The following PTPRD variants were observed in gnomAD, a reference collection of about 807,000 sequenced individuals.
PTPRD encodes the protein receptor-type tyrosine-protein phosphatase delta.
PTPRD carries 34 observed loss-of-function variants against 214.5 expected under a neutral mutation model. That is an observed-to-expected ratio of 0.16 (90% CI 0.12 to 0.21). The LOEUF (loss-of-function observed/expected upper bound fraction) is 0.21, where lower values mean the gene tolerates loss of function less well. PTPRD is among the 10% of genes least tolerant of loss of function. The pLI is 1.00. For missense variants in PTPRD, 2,545 were observed against 2,398.7 expected (o/e 1.06, Z -1.27); for synonymous variants, 1,128 against 845.7 (o/e 1.33, Z -5.79).
intron 2 of PTPRD, among the ~76,000 whole-genome samples, chr9:10,584,706 G>C (rs188838893): frequency 6.6e-6 from 1 of 152,030 alleles, no homozygotes; most frequent in Non-Finnish European, 1.5e-5. Context: ...GAAATAAGTC[G>C]CTGAGACAAA....
At chr9:10,522,625 C>G (rs2052725623) in intron 2 of PTPRD, among the ~76,000 whole-genome samples, 1 of 151,998 alleles carries the variant, frequency 6.6e-6, no homozygotes, top group African/African-American at 2.4e-5. Context: ...TCTGAAAGCA[C>G]CAACTGTGAC....
At chr9:9,956,579 C>G (rs548324269) in intron 4 of PTPRD, among the ~76,000 whole-genome samples, 2 of 151,940 alleles carry the variant, frequency 1.3e-5, no homozygotes, top group South Asian at 2.1e-4. Flanking sequence ...TGTGGTTTAT[C>G]ATTTTGTCAC....
intron 39 of PTPRD, among the ~76,000 whole-genome samples, chr9:8,361,252 G>T (rs889770383): frequency 2.6e-5 from 4 of 152,110 alleles, no homozygotes; most frequent in African/African-American, 9.7e-5. Context: ...ATTTTAGCAG[G>T]GGAATGTGAA....
Position 8,557,455 on chromosome 9 carries a change from T to TACACACACATACACATAC in PTPRD, c.353-28677_353-28676insGTATGTGTATGTGTGTGT, listed in dbSNP as rs1554784504. ...AAATACATATATATATATATATATA[T>TACACACACATACACATAC]ATTTGGGCCGGGCGCGGTGGCTCAT... On this transcript the variant is annotated intron_variant, in intron 14 of 45. Transcript: ENST00000381196. Among the ~76,000 whole-genome samples, 6 of 135,638 alleles carry TACACACACATACACATAC rather than the reference T, an allele frequency of 4.4e-5. 1 individual carries two copies. The highest frequency in any genetic ancestry group is 2.1e-4 in the African/African-American group (6 of 28,764). The allele number at this position is 135,638 out of a possible 152,430, so 89.0% of individuals were successfully genotyped here.
At chr9:8,591,471 GT>G (rs1298185646) in intron 14 of PTPRD, among the ~76,000 whole-genome samples, 3 of 152,064 alleles carry the variant, frequency 2.0e-5, no homozygotes, top group Non-Finnish European at 4.4e-5. Flanking sequence ...GATCCAAGGT[GT>G]TTTTTTATTG....
At chr9:8,713,703 G>C in intron 12 of PTPRD, 1 of 1,513,552 alleles carries the variant, frequency 6.6e-7, no homozygotes, top group East Asian at 2.3e-5. Context: ...TGGTGGAAGA[G>C]ATCGCGGCCA....
In PTPRD at chr9:10,257,956, G is replaced by C. The variant is rs532789097; in HGVS notation, c.-545+83007C>G. On this transcript the variant is annotated intron_variant, in intron 3 of 45. Transcript: ENST00000381196. Reference sequence around the variant, plus strand: ...AGAGAAGAAAGCGGGTGTGTGTTATGTGCAAAAACAAAATAAAGGAAGGGA... The same window carrying C: ...AGAGAAGAAAGCGGGTGTGTGTTATCTGCAAAAACAAAATAAAGGAAGGGA... 3.9e-5 allele frequency among the ~76,000 whole-genome samples: 6 copies of C among 152,262 alleles called. No homozygotes were observed. The East Asian group carries it at 7.7e-4, about 20-fold the overall frequency.
intron 39 of PTPRD, among the ~76,000 whole-genome samples, chr9:8,359,418 A>C (rs2133812252): frequency 6.6e-6 from 1 of 151,992 alleles, no homozygotes; most frequent in South Asian, 2.1e-4. Context: ...TCCACCTCCC[A>C]GGTTCAAGCA....
intron 9 of PTPRD, among the ~76,000 whole-genome samples, chr9:9,221,809 G>A (rs2099956254): frequency 6.6e-6 from 1 of 151,962 alleles, no homozygotes; most frequent in South Asian, 2.1e-4. Context: ...AGCAGAAGAA[G>A]ACAAAGGAAT....
intron 10 of PTPRD, among the ~76,000 whole-genome samples, chr9:9,082,846 G>A (rs2099761277): frequency 6.6e-6 from 1 of 152,134 alleles, no homozygotes; most frequent in African/African-American, 2.4e-5. Flanking sequence ...ACTTGCAAAG[G>A]ATGTGAAGGA....
At chr9:9,117,538 T>C (rs554529825) in intron 10 of PTPRD, among the ~76,000 whole-genome samples, 38 of 152,306 alleles carry the variant, frequency 2.5e-4, no homozygotes, top group African/African-American at 7.2e-4. Flanking sequence ...AAATGTAAAG[T>C]TGGTAGGCCA....
At chr9:8,810,314 T>C (rs1396961606) in intron 11 of PTPRD, among the ~76,000 whole-genome samples, 2 of 152,204 alleles carry the variant, frequency 1.3e-5, no homozygotes, top group Non-Finnish European at 2.9e-5. Flanking sequence ...GAGATGATGT[T>C]ACCATTGCCA....
intron 7 of PTPRD, among the ~76,000 whole-genome samples, chr9:9,643,801 A>G (rs933005626): frequency 2.0e-5 from 3 of 152,182 alleles, no homozygotes; most frequent in Admixed American, 2.0e-4. Flanking sequence ...TACTTTTCCC[A>G]AAACTCATAC....
intron 9 of PTPRD, among the ~76,000 whole-genome samples, chr9:9,337,803 C>T (rs1174613565): frequency 1.3e-5 from 2 of 152,122 alleles, no homozygotes; most frequent in Non-Finnish European, 2.9e-5. Context: ...AGTTATCTTG[C>T]TAACTACATT....
At chr9:10,175,109 G>T (rs1278096840) in intron 3 of PTPRD, among the ~76,000 whole-genome samples, 1 of 152,026 alleles carries the variant, frequency 6.6e-6, no homozygotes, top group African/African-American at 2.4e-5. Context: ...TTTGGGTTAA[G>T]AGAGATAAGA....
intron 3 of PTPRD, among the ~76,000 whole-genome samples, chr9:10,230,562 C>T (rs1438218767): frequency 6.6e-6 from 1 of 151,808 alleles, no homozygotes; most frequent in African/African-American, 2.4e-5. Context: ...TCCTTGGACC[C>T]TGAGATTTAT....
At chr9:10,482,132 G>A (rs2099102027) in intron 2 of PTPRD, among the ~76,000 whole-genome samples, 3 of 152,124 alleles carry the variant, frequency 2.0e-5, no homozygotes, top group South Asian at 2.1e-4. Flanking sequence ...AGCATTTTGG[G>A]AGGCCCAGGC....
chr9:10,211,425 C>G (rs530713637), intron 3 of PTPRD, among the ~76,000 whole-genome samples: 2 of 152,230 alleles, frequency 1.3e-5, no homozygotes, highest in East Asian at 3.9e-4. Flanking sequence ...TCACCTTGCA[C>G]TAATCTGGGA....
intron 11 of PTPRD, among the ~76,000 whole-genome samples, chr9:8,743,117 G>C (rs1555254348): frequency 1.3e-5 from 2 of 148,400 alleles, no homozygotes; most frequent in East Asian, 2.0e-4. Flanking sequence ...AAAAAAAAGG[G>C]GGGGGGGACT....
Sources: gnomAD v4.1 joint callset for allele counts (sites outside exome capture counted in the v4.1 genomes callset) on GRCh38, gnomAD v4.1.1 for gene constraint, MANE v1.5 for transcripts, NCBI Gene and HGNC (gene_info 2026-07-23, HGNC 2026-07-21) for gene names.